The following ZFR2 variants were observed in gnomAD, a reference collection of about 807,000 sequenced individuals.
ZFR2 encodes zinc finger RNA-binding protein 2.
In ZFR2, 104 loss-of-function variants were observed where a neutral mutation model predicts 105.7. The observed-to-expected ratio is 0.98, with a 90% CI of 0.84 to 1.16. The LOEUF (loss-of-function observed/expected upper bound fraction) is 1.16, where lower values mean the gene tolerates loss of function less well. ZFR2 is among the 50% of genes most tolerant of loss of function. The pLI is 0.00. For synonymous variants in ZFR2, 634 were observed against 597.7 expected (o/e 1.06, Z -0.89); for missense variants, 1,425 against 1,355.5 (o/e 1.05, Z -0.80).
At position 3,831,370 on chromosome 19, in the gene ZFR2, T is replaced by C. The variant is rs1187502906; in HGVS notation, c.785A>G (p.Lys262Arg). ...PPLPSKLPRPKAGPRQLQLHY... is the reference protein window; with the variant it reads ...PPLPSKLPRPRAGPRQLQLHY... The stretch of plus-strand genomic sequence containing the variant: ...AAGCTGGAGCTGCCTGGGCCCCGCC[T>C]TGGGTCTCGGCAGCTTGCTGGGAAG... The change falls in exon 5 of 19, where the codon AAG (lysine) becomes AGG (arginine). Residue 262 changes from lysine (K) to arginine (R), a missense_variant. Coordinates refer to ENST00000262961, the MANE Select transcript of ZFR2 (RefSeq NM_015174.2). The C allele has an allele frequency of 1.9e-6, 3 of 1,557,904 alleles. No individual in the cohort carries two copies. Among genetic ancestry groups the C allele is most frequent in the Non-Finnish European group, 8.7e-7 (1 of 1,152,836 alleles).
chr19:3,821,515 C>T (rs776411372), intron 9 of ZFR2, 36 bp from the exon 10 acceptor site: 2 of 1,534,994 alleles, frequency 1.3e-6, no homozygotes, highest in South Asian at 1.2e-5. Flanking sequence ...GAGTAGGGAC[C>T]TTGCTTTAGA....
intron 5 of ZFR2, among the ~76,000 whole-genome samples, chr19:3,830,659 T>C (rs1378823430): frequency 6.6e-6 from 1 of 152,174 alleles, no homozygotes; most frequent in Non-Finnish European, 1.5e-5. Context: ...GAGTCTGCGA[T>C]TGCAGACTCC....
rs763103199 is a variant in ZFR2 at position 3,831,358 on chromosome 19, C to G, written c.797G>C (p.Arg266Thr). Reference protein sequence around the residue: ...SKLPRPKAGPRQLQLHYCDIC... With the variant: ...SKLPRPKAGPTQLQLHYCDIC... ...GTCGCAGTAGTGAAGCTGGAGCTGC[C>G]TGGGCCCCGCCTTGGGTCTCGGCAG... Residue 266 changes from arginine (R) to threonine (T), a missense_variant, in exon 5 of 19, where the codon AGG (arginine) becomes ACG (threonine). By Grantham distance (71) the Arg-to-Thr change is moderately conservative. Coordinates refer to ENST00000262961, the MANE Select transcript of ZFR2 (RefSeq NM_015174.2). 2 of 1,557,102 alleles carry G rather than the reference C, an allele frequency of 1.3e-6. No homozygotes were observed. The highest frequency in any genetic ancestry group is 1.7e-6 in the Non-Finnish European group (2 of 1,152,524).
In ZFR2 at chr19:3,805,767, G is replaced by A; in HGVS notation, c.*182C>T. On this transcript the variant is annotated 3_prime_UTR_variant, in exon 19 of 19. Coordinates refer to ENST00000262961, the MANE Select transcript of ZFR2 (RefSeq NM_015174.2). ...GCAACTCAGCCTCCCAAAGTGCTGG[G>A]ATTAAAGGCATGAGCCACAGTGCCC... 1 of 690,590 alleles carries A rather than the reference G, an allele frequency of 1.4e-6. No homozygotes were observed. The highest frequency in any genetic ancestry group is 2.5e-5 in the South Asian group (1 of 40,534). 42.8% of individuals were successfully genotyped at this position (690,590 alleles called of 1,614,324 possible).
chr19:3,811,460 CTTTT>C (rs969937996), intron 14 of ZFR2, 94 bp from the exon 15 acceptor site: 5 of 884,546 alleles, frequency 5.7e-6, no homozygotes, highest in Non-Finnish European at 7.9e-6. Flanking sequence ...CCCCTCGACG[CTTTT>C]TTTTTTTTGA....
intron 6 of ZFR2, among the ~76,000 whole-genome samples, chr19:3,826,449 T>A (rs1211966434): frequency 2.0e-5 from 3 of 151,420 alleles, no homozygotes; most frequent in Non-Finnish European, 4.4e-5. Context: ...TTTTTTTTTC[T>A]TTTGGCGACA....
At chr19:3,846,452 C>T (rs558543149) in intron 1 of ZFR2, among the ~76,000 whole-genome samples, 11 of 152,242 alleles carry the variant, frequency 7.2e-5, no homozygotes, top group East Asian at 1.9e-4. Context: ...TCATGGTGAG[C>T]GGGACAGAAC....
intron 17 of ZFR2, among the ~76,000 whole-genome samples, chr19:3,808,225 G>A (rs1230289552): frequency 6.6e-6 from 1 of 151,516 alleles, no homozygotes; most frequent in South Asian, 2.1e-4. Context: ...CCGTGCGAGT[G>A]CGTGCGTGTG....
At chr19:3,856,387 T>C (rs368286775) in intron 1 of ZFR2, among the ~76,000 whole-genome samples, 4 of 152,104 alleles carry the variant, frequency 2.6e-5, no homozygotes, top group South Asian at 2.1e-4. Flanking sequence ...GTGTCATCGA[T>C]AGTTAATATT....
At chr19:3,842,836 G>T (rs550005341) in intron 1 of ZFR2, among the ~76,000 whole-genome samples, 1 of 151,872 alleles carries the variant, frequency 6.6e-6, no homozygotes, top group Non-Finnish European at 1.5e-5. Context: ...TGTTGGTCAC[G>T]CTGGTCTCGA....
chr19:3,866,539 CAG>C (rs1324330213), intron 1 of ZFR2, among the ~76,000 whole-genome samples: 1 of 152,082 alleles, frequency 6.6e-6, no homozygotes, highest in African/African-American at 2.4e-5. Flanking sequence ...AAATCAATGA[CAG>C]AAGCCTCTAC....
chr19:3,838,227 GACT>G lies in ZFR2; in HGVS notation c.54-3247_54-3245del, dbSNP rs922748649. Among the ~76,000 whole-genome samples, 1 of 152,142 alleles carries G rather than the reference GACT, an allele frequency of 6.6e-6. No homozygotes were observed. Among genetic ancestry groups the G allele is most frequent in the Non-Finnish European group, 1.5e-5 (1 of 68,030 alleles). ...CGACAATACATTCGATGAACACCGT[GACT>G]ACTGACATTTGATGAACACTGTGAC... On this transcript the variant is annotated intron_variant, in intron 1 of 18. Transcript: ENST00000262961. The surrounding 1 kb of genome is among the most constrained non-coding windows in gnomAD (Gnocchi z 4.9).
rs1372441126 is a variant in ZFR2 at position 3,818,938 on chromosome 19, C to T, written c.1931+107G>A. On this transcript the variant is annotated intron_variant, in intron 12 of 18. Coordinates refer to ENST00000262961, the MANE Select transcript of ZFR2 (RefSeq NM_015174.2). ...CTGGAAAGCTGCCGCGGGCCACCGA[C>T]GGCTCCAGGCCCATCAGAGCTAGGG... The T allele has an allele frequency of 6.5e-6, 9 of 1,377,704 alleles. No homozygotes were observed. The East Asian group carries it at 7.7e-5, about 12-fold the overall frequency. The allele number at this position is 1,377,704 out of a possible 1,614,324, so 85.3% of individuals were successfully genotyped here. A position where few individuals can be genotyped will look rare whatever the true frequency, so the allele number is the denominator to read the frequency against.
chr19:3,811,882 T>C (rs896584851), intron 14 of ZFR2, among the ~76,000 whole-genome samples: 4 of 152,190 alleles, frequency 2.6e-5, no homozygotes, highest in Middle Eastern at 3.2e-3. Context: ...TGCCTCAGCC[T>C]CCTGAGTAGC....
At position 3,831,358 on chromosome 19, in the gene ZFR2, C is replaced by A. The variant is rs763103199; in HGVS notation, c.797G>T (p.Arg266Met). 5 of 1,557,102 alleles carry A rather than the reference C, an allele frequency of 3.2e-6. No individual in the cohort carries two copies. In the South Asian group the frequency reaches 5.9e-5, roughly 18 times the overall value. Residue 266 changes from arginine to methionine, a missense_variant, in exon 5 of 19, where the codon AGG becomes ATG. Transcript: ENST00000262961. The part of the protein sequence containing the change: ...SKLPRPKAGP[R>M]QLQLHYCDIC... The stretch of plus-strand genomic sequence containing the variant: ...GTCGCAGTAGTGAAGCTGGAGCTGC[C>A]TGGGCCCCGCCTTGGGTCTCGGCAG...
chr19:3,818,138 T>A (rs2037845998), intron 12 of ZFR2, among the ~76,000 whole-genome samples: 1 of 152,282 alleles, frequency 6.6e-6, no homozygotes, highest in African/African-American at 2.4e-5. Flanking sequence ...TTAGACAGGT[T>A]AAAATGCTCA....
chr19:3,852,589 C>T (rs866883841), intron 1 of ZFR2: 16 of 718,552 alleles, frequency 2.2e-5, no homozygotes, highest in African/African-American at 1.2e-4. Context: ...GATGCAAGGG[C>T]CGGGGGAGTG....
chr19:3,850,464 A>G (rs542519264), intron 1 of ZFR2, among the ~76,000 whole-genome samples: 7 of 152,106 alleles, frequency 4.6e-5, no homozygotes, highest in Admixed American at 2.6e-4. Context: ...CCTGCCCCCA[A>G]TTCTTATGTT....
At chr19:3,855,555 G>C in intron 1 of ZFR2, 2 of 824,450 alleles carry the variant, frequency 2.4e-6, no homozygotes, top group Non-Finnish European at 1.6e-6. Context: ...TCCTCCAGGA[G>C]GGTGCTGCGC....
Sources: gnomAD v4.1 joint callset for allele counts (sites outside exome capture counted in the v4.1 genomes callset) on GRCh38, gnomAD v4.1.1 for gene constraint, Gnocchi (gnomAD v3.1) non-coding constraint, MANE v1.5 for transcripts, NCBI Gene and HGNC (gene_info 2026-07-23, HGNC 2026-07-21) for gene names.